Variants in INPP4B observed in about 807,000 individuals in gnomAD.
INPP4B encodes inositol polyphosphate-4-phosphatase type II B, also known as inositol polyphosphate 4-phosphatase type II.
Under a neutral mutation model 122.5 loss-of-function variants are expected in INPP4B, and 55 were observed. The ratio of observed to expected loss-of-function variants is 0.45; its 90% confidence interval spans 0.36 to 0.56. The LOEUF is 0.56. Ranked by LOEUF, INPP4B falls within the 20% of genes least tolerant of loss-of-function variation. The probability of loss-of-function intolerance (pLI) is 0.00; values close to 1 mark genes in which losing one functional copy is unlikely to be tolerated. For synonymous variants in INPP4B, 403 were observed against 388.7 expected (o/e 1.04, Z -0.43); for missense variants, 1,000 against 1,097.7 (o/e 0.91, Z 1.26).
rs374323642 is a variant in INPP4B, at chr4:142,573,777, G to A, written c.-190-111051C>T. ...CGAAAAACACCACTGAACACATTCC[G>A]CAATATTGGATTACTGCCACCATTG... On this transcript the variant is annotated intron_variant, in intron 2 of 25. Transcript: ENST00000262992. 5.3e-5 allele frequency among the ~76,000 whole-genome samples: 8 copies of A among 152,076 alleles called. No individual in the cohort carries two copies. The South Asian group carries it at 6.2e-4, about 12-fold the overall frequency.
intron 15 of INPP4B, among the ~76,000 whole-genome samples, chr4:142,190,211 T>TTG (rs5862578): frequency 0.84 from 123,533 of 147,476 alleles, 53,287 homozygotes; most frequent in East Asian, 0.96. Flanking sequence ...ATTTTTGTTT[T>TTG]TTTTTTTTTG....
At chr4:142,036,493 A>T (rs534075570) in intron 25 of INPP4B, among the ~76,000 whole-genome samples, 1 of 152,312 alleles carries the variant, frequency 6.6e-6, no homozygotes, top group Admixed American at 6.5e-5. Context: ...AGAGCATTCA[A>T]AAGTCTGAAA....
In INPP4B at chr4:142,398,597, A is replaced by T. The variant is rs1386037091; in HGVS notation, c.372+4341T>A. ...TATAGTTAGACTTAAGCTTCTTAAG[A>T]AGCCAATTTAGAAAATCAAGTGAAA... On this transcript the variant is annotated intron_variant, in intron 7 of 25. Coordinates refer to ENST00000262992, the MANE Select transcript of INPP4B (RefSeq NM_001101669.3). Among the ~76,000 whole-genome samples the T allele has an allele frequency of 5.6e-5, 8 of 143,184 alleles. No individual in the cohort carries two copies. The South Asian group carries it at 1.8e-3, about 31-fold the overall frequency. The allele number at this position is 143,184 out of a possible 152,430, so 93.9% of individuals were successfully genotyped here.
At chr4:142,117,246 G>T (rs1794039173) in intron 21 of INPP4B, among the ~76,000 whole-genome samples, 1 of 151,880 alleles carries the variant, frequency 6.6e-6, no homozygotes, top group Non-Finnish European at 1.5e-5. Context: ...AGAGAAGCTG[G>T]TACCATTCCT....
chr4:142,762,810 A>G (rs1727784008), intron 1 of INPP4B, among the ~76,000 whole-genome samples: 1 of 152,148 alleles, frequency 6.6e-6, no homozygotes, highest in African/African-American at 2.4e-5. Context: ...GAGTGTTGAA[A>G]CTTGATTGCC....
intron 18 of INPP4B, among the ~76,000 whole-genome samples, chr4:142,138,544 A>G (rs1805954748): frequency 1.3e-5 from 2 of 152,022 alleles, no homozygotes; most frequent in Non-Finnish European, 2.9e-5. Context: ...AATAATAATA[A>G]AATTAAAAAA....
intron 9 of INPP4B, among the ~76,000 whole-genome samples, chr4:142,280,448 T>G (rs886391050): frequency 6.6e-6 from 1 of 151,974 alleles, no homozygotes; most frequent in African/African-American, 2.4e-5. Flanking sequence ...AAAGATTATA[T>G]ACTATACAAT....
chr4:142,064,874 G>A (rs564651187), intron 25 of INPP4B, among the ~76,000 whole-genome samples: 102 of 152,142 alleles, frequency 6.7e-4, no homozygotes, highest in African/African-American at 2.3e-3. Flanking sequence ...AAACTCTAAA[G>A]CATATAATAA....
chr4:142,730,689 G>C (rs757003968), intron 1 of INPP4B, among the ~76,000 whole-genome samples: 1 of 152,132 alleles, frequency 6.6e-6, no homozygotes, highest in Non-Finnish European at 1.5e-5. Flanking sequence ...GCCTTCTTGA[G>C]TTGTCTTGTG....
intron 5 of INPP4B, among the ~76,000 whole-genome samples, chr4:142,412,532 T>G (rs1804838300): frequency 6.6e-6 from 1 of 152,166 alleles, no homozygotes; most frequent in East Asian, 1.9e-4. Context: ...TCCCTGCCTA[T>G]ACTAATATCC....
intron 11 of INPP4B, among the ~76,000 whole-genome samples, chr4:142,244,248 T>C (rs1860982280): frequency 1.3e-5 from 2 of 151,202 alleles, no homozygotes; most frequent in Admixed American, 1.3e-4. Context: ...AACTCATCTT[T>C]TTTTTATGGC....
intron 2 of INPP4B, among the ~76,000 whole-genome samples, chr4:142,490,880 T>G (rs764399243): frequency 1.6e-4 from 25 of 152,204 alleles, no homozygotes; most frequent in Non-Finnish European, 2.9e-4. Context: ...TCCATGCTAT[T>G]GCAAATGACA....
chr4:142,082,045 C>T lies in INPP4B; in HGVS notation c.2628G>A (p.Leu876=). The change falls in exon 25 of 26, where the codon CTG becomes CTA. Residue 876 remains leucine, a synonymous_variant. Transcript: ENST00000262992. ...QLHKDFFIRA[L]DCMRREGCRI... ...ATGTGAGATACCTTCTCATGCAATC[C>T]AGCGCTCGGATAAAGAAGTCCTTGT... 6.8e-7 allele frequency: 1 copy of T among 1,460,834 alleles called. No homozygotes were observed. 90.5% of individuals were successfully genotyped at this position (1,460,834 alleles called of 1,614,324 possible).
At chr4:142,034,853 A>G (rs925394422) in intron 25 of INPP4B, among the ~76,000 whole-genome samples, 1 of 152,068 alleles carries the variant, frequency 6.6e-6, no homozygotes, top group South Asian at 2.1e-4. Flanking sequence ...TCCTGCTGGA[A>G]GTTTCCATGG....
chr4:142,225,114 C>T (rs766280875), intron 12 of INPP4B, among the ~76,000 whole-genome samples: 9 of 152,182 alleles, frequency 5.9e-5, no homozygotes, highest in African/African-American at 9.6e-5. Flanking sequence ...ACCATCCAAT[C>T]GGCTGCCAAA....
chr4:142,578,069 G>A (rs1248869753), intron 2 of INPP4B, among the ~76,000 whole-genome samples: 2 of 151,908 alleles, frequency 1.3e-5, no homozygotes, highest in African/African-American at 2.4e-5. Flanking sequence ...ACCACACAAA[G>A]GTGCAAATAC....
chr4:142,187,961 GA>G (rs1397063469), intron 15 of INPP4B, among the ~76,000 whole-genome samples: 1 of 151,504 alleles, frequency 6.6e-6, no homozygotes, highest in Admixed American at 6.6e-5. Context: ...ATTTTTAACA[GA>G]AAAAAATATA....
chr4:142,544,685 G>A (rs557410096), intron 2 of INPP4B, among the ~76,000 whole-genome samples: 12 of 152,064 alleles, frequency 7.9e-5, no homozygotes, highest in Non-Finnish European at 7.4e-5. Flanking sequence ...GGGAGGGAGA[G>A]GCCTGTATGA....
intron 9 of INPP4B, among the ~76,000 whole-genome samples, chr4:142,292,460 A>G (rs1442984204): frequency 1.3e-5 from 2 of 152,204 alleles, no homozygotes; most frequent in East Asian, 1.9e-4. Context: ...CCCAAGAACC[A>G]TTAGAGACCA....
Sources: gnomAD v4.1 joint callset for allele counts (sites outside exome capture counted in the v4.1 genomes callset) on GRCh38, gnomAD v4.1.1 for gene constraint, MANE v1.5 for transcripts, NCBI Gene and HGNC (gene_info 2026-07-23, HGNC 2026-07-21) for gene names.